SH3RF3: variants seen among roughly 807,000 people sequenced by gnomAD.
SH3RF3 encodes E3 ubiquitin-protein ligase SH3RF3.
Under a neutral mutation model 66.3 loss-of-function variants are expected in SH3RF3, and 29 were observed. The observed-to-expected ratio is 0.44, with a 90% confidence interval of 0.33 to 0.60. The LOEUF is 0.60. Ranked by LOEUF, SH3RF3 falls within the 20% of genes least tolerant of loss-of-function variation. SH3RF3 has a pLI of 0.04. For missense variants in SH3RF3, 1,194 were observed against 1,190.9 expected, an observed-to-expected ratio of 1.00 and a Z score of -0.04; for synonymous variants, 583 against 532.0, an observed-to-expected ratio of 1.10 and a Z score of -1.32.
intron 2 of SH3RF3, among the ~76,000 whole-genome samples, chr2:109,349,300 T>C (rs1342516728): frequency 6.6e-6 from 1 of 152,228 alleles, no homozygotes; most frequent in African/African-American, 2.4e-5. Flanking sequence ...CTATTTTTCA[T>C]TCAGGGATTC....
intron 1 of SH3RF3, chr2:109,251,507 G>C (rs1558982857): frequency 2.7e-6 from 2 of 742,998 alleles, no homozygotes; most frequent in Non-Finnish European, 2.5e-6. Context: ...CATGTCCAAG[G>C]AATATTGTGG....
At chr2:109,221,878 T>A (rs531023657) in intron 1 of SH3RF3, among the ~76,000 whole-genome samples, 8 of 152,078 alleles carry the variant, frequency 5.3e-5, no homozygotes, top group African/African-American at 1.9e-4. Flanking sequence ...GGAAAAGAAA[T>A]CAGTGTATCA....
intron 1 of SH3RF3, among the ~76,000 whole-genome samples, chr2:109,277,910 C>T (rs530056962): frequency 6.6e-6 from 1 of 151,590 alleles, no homozygotes; most frequent in African/African-American, 2.4e-5. Flanking sequence ...TGTGGTGGCT[C>T]ACGCCTATAA....
At chr2:109,390,913 G>A (rs1675972136) in intron 3 of SH3RF3, among the ~76,000 whole-genome samples, 1 of 152,154 alleles carries the variant, frequency 6.6e-6, no homozygotes, top group Admixed American at 6.5e-5. Flanking sequence ...ATGCTGCTGT[G>A]GGCTGTGTGA....
intron 1 of SH3RF3, among the ~76,000 whole-genome samples, chr2:109,252,659 A>G (rs1680123453): frequency 6.6e-6 from 1 of 152,220 alleles, no homozygotes; most frequent in African/African-American, 2.4e-5. Flanking sequence ...TAATACACCA[A>G]ACCTACAGAA....
chr2:109,416,760 G>A (rs1403075299), intron 4 of SH3RF3, among the ~76,000 whole-genome samples: 1 of 151,968 alleles, frequency 6.6e-6, no homozygotes, highest in Non-Finnish European at 1.5e-5. Flanking sequence ...CAAAATATTA[G>A]CCGGGGGTGG....
rs1008039820 is a variant in SH3RF3 at position 109,243,066 on chromosome 2, C to T, written c.574-104608C>T. ...TGATTTGTGAGAACAATGAAATCGG[C>T]TGTTCATATTCCTGTAGCGTCAGCA... On this transcript the variant is annotated intron_variant, in intron 1 of 9. Coordinates refer to ENST00000309415, the MANE Select transcript of SH3RF3 (RefSeq NM_001099289.3). Among the ~76,000 whole-genome samples, 3 of 152,218 alleles carry T rather than the reference C, an allele frequency of 2.0e-5. No homozygotes were observed. The East Asian group carries it at 5.8e-4, about 29-fold the overall frequency.
At chr2:109,245,671 C>G (rs1345019204) in intron 1 of SH3RF3, among the ~76,000 whole-genome samples, 1 of 152,148 alleles carries the variant, frequency 6.6e-6, no homozygotes, top group Non-Finnish European at 1.5e-5. Context: ...GAACTGAGAC[C>G]ATATTTGTTA....
intron 1 of SH3RF3, among the ~76,000 whole-genome samples, chr2:109,277,774 T>G (rs1244320289): frequency 6.6e-6 from 1 of 152,158 alleles, no homozygotes; most frequent in African/African-American, 2.4e-5. Context: ...TGGGAAATGA[T>G]TACTTGGAAA....
chr2:109,400,304 T>G (rs1426900217), intron 4 of SH3RF3, among the ~76,000 whole-genome samples: 1 of 151,768 alleles, frequency 6.6e-6, no homozygotes, highest in Non-Finnish European at 1.5e-5. Context: ...TGTGCACTCA[T>G]ACACATGGCA....
At chr2:109,455,266 G>C (rs1041184770) in intron 8 of SH3RF3, among the ~76,000 whole-genome samples, 1 of 152,168 alleles carries the variant, frequency 6.6e-6, no homozygotes, top group African/African-American at 2.4e-5. Flanking sequence ...CTTGGGGGGA[G>C]AAAGGGCCCT....
intron 1 of SH3RF3, among the ~76,000 whole-genome samples, chr2:109,267,290 G>A (rs949791046): frequency 5.3e-5 from 8 of 152,116 alleles, no homozygotes; most frequent in African/African-American, 1.9e-4. Flanking sequence ...TCTGTGGGAG[G>A]TCATGGCTGG....
intron 1 of SH3RF3, among the ~76,000 whole-genome samples, chr2:109,330,870 C>G (rs891093471): frequency 2.6e-5 from 4 of 152,200 alleles, no homozygotes; most frequent in African/African-American, 4.8e-5. Context: ...CTTAAGGGAC[C>G]AATTCCTCTG....
rs376766272 is a variant in SH3RF3, at chr2:109,371,704, C to T, written c.945+23C>T. On this transcript the variant is annotated intron_variant, in intron 3 of 9. Coordinates refer to ENST00000309415, the MANE Select transcript of SH3RF3 (RefSeq NM_001099289.3). ...GAGGTAAGACCGTGCCGCCCTCCCA[C>T]ACTTGGCTCCTTCTTGCCCACCCTT... 3 of 1,604,792 alleles carry T rather than the reference C, an allele frequency of 1.9e-6. No homozygotes were observed. The African/African-American group carries it at 4.0e-5, about 21-fold the overall frequency.
intron 1 of SH3RF3, among the ~76,000 whole-genome samples, chr2:109,345,281 G>A (rs148445766): frequency 6.6e-6 from 1 of 152,254 alleles, no homozygotes; most frequent in African/African-American, 2.4e-5. Context: ...AGAGAAGGCT[G>A]ATGGTGGGGA....
intron 1 of SH3RF3, among the ~76,000 whole-genome samples, chr2:109,252,791 G>A (rs1006922341): frequency 1.3e-5 from 2 of 152,178 alleles, no homozygotes; most frequent in African/African-American, 4.8e-5. Flanking sequence ...ATAATAAAGT[G>A]TTGAATATCT....
At chr2:109,321,844 G>T (rs1056066547) in intron 1 of SH3RF3, among the ~76,000 whole-genome samples, 1 of 152,200 alleles carries the variant, frequency 6.6e-6, no homozygotes, top group African/African-American at 2.4e-5. Context: ...CAATCCCAAG[G>T]TTCTGCCAAA....
At chr2:109,229,826 CTT>C (rs35149686) in intron 1 of SH3RF3, among the ~76,000 whole-genome samples, 34,006 of 129,628 alleles carry the variant, frequency 0.26, 3,647 homozygotes, top group East Asian at 0.35. Flanking sequence ...CTTTTTCTTT[CTT>C]TTTTTTTTTT....
At chr2:109,350,800 C>G (rs532965544) in intron 2 of SH3RF3, among the ~76,000 whole-genome samples, 1 of 152,332 alleles carries the variant, frequency 6.6e-6, no homozygotes, top group South Asian at 2.1e-4. Context: ...GGTGCTGGTT[C>G]ATGCCAGCTT....
Sources: allele counts gnomAD v4.1 joint callset (sites outside exome capture counted in the v4.1 genomes callset), GRCh38; gene constraint gnomAD v4.1.1; transcripts MANE v1.5; gene names NCBI Gene and HGNC (gene_info 2026-07-23, HGNC 2026-07-21).